MCM9: variants seen among roughly 807,000 people sequenced by gnomAD.
MCM9 encodes DNA helicase MCM9.
A neutral mutation model predicts 72.8 loss-of-function variants in MCM9; 55 were observed. That is an observed-to-expected ratio of 0.76 (90% confidence interval 0.61 to 0.95). The LOEUF is 0.95. MCM9 is among the 40% of genes least tolerant of loss of function. The probability of loss-of-function intolerance (pLI) is 0.00; values close to 1 mark genes in which losing one functional copy is unlikely to be tolerated. For missense variants in MCM9, 1,279 were observed against 1,377.0 expected (o/e 0.93, Z 1.13); for synonymous variants, 480 against 503.4 (o/e 0.95, Z 0.62).
chr6:118,902,580 T>C (rs544782865), intron 8 of MCM9, among the ~76,000 whole-genome samples: 6 of 151,350 alleles, frequency 4.0e-5, no homozygotes, highest in African/African-American at 1.5e-4. Flanking sequence ...AAATGCCTTG[T>C]TATTGAAACA....
intron 3 of MCM9, among the ~76,000 whole-genome samples, chr6:118,927,889 AC>A (rs1290259306): frequency 6.6e-6 from 1 of 152,348 alleles, no homozygotes; most frequent in East Asian, 1.9e-4. Flanking sequence ...CCTGAGCAAT[AC>A]ATAATGAAGG....
intron 8 of MCM9, among the ~76,000 whole-genome samples, chr6:118,858,054 C>G (rs921410246): frequency 1.3e-5 from 2 of 151,950 alleles, no homozygotes; most frequent in African/African-American, 4.8e-5. Context: ...CTAAACTAGG[C>G]AAAGACATAT....
intron 13 of MCM9, 30 bp downstream of exon 13, chr6:118,826,117 T>C (rs1774151934): frequency 2.6e-6 from 4 of 1,534,588 alleles, no homozygotes; most frequent in Admixed American, 2.1e-5. Flanking sequence ...GATTTTCCAT[T>C]GTATGCCTTT....
At chr6:118,870,812 G>C (rs889661303) in intron 8 of MCM9, among the ~76,000 whole-genome samples, 1 of 151,922 alleles carries the variant, frequency 6.6e-6, no homozygotes, top group Middle Eastern at 3.2e-3. Context: ...GATTATAAGA[G>C]ACTACTCTGA....
rs1271452196 is a variant in MCM9 at position 118,813,495 on chromosome 6, C to T, written c.*1329G>A. On this transcript the variant is annotated 3_prime_UTR_variant, in exon 14 of 14. Coordinates refer to ENST00000619706, the MANE Select transcript of MCM9 (RefSeq NM_017696.3). ...AAAATTTTATTAGTGAATTTTAGAACGTTTAAATGCTTAAGAAAAATTGGA... is the reference window on the plus strand; with the variant it reads ...AAAATTTTATTAGTGAATTTTAGAATGTTTAAATGCTTAAGAAAAATTGGA... The T allele has an allele frequency of 3.3e-5, 5 of 151,980 alleles. No homozygotes were observed. Among genetic ancestry groups the T allele is most frequent in the African/African-American group, 1.2e-4 (5 of 41,386 alleles). The allele number at this position is 151,980 out of a possible 1,614,324, so 9.4% of individuals were successfully genotyped here.
rs1230997932 is a variant in MCM9 at position 118,829,171 on chromosome 6, C to T, written c.1405G>A (p.Val469Met). The change falls in exon 10 of 14, where the codon GTG becomes ATG. Residue 469 changes from valine (V) to methionine (M), a missense_variant. Val to Met is a conservative substitution (Grantham distance 21). Transcript: ENST00000619706. ...CTGCCGAGGGCAATGTTCACAGACA[C>T]GGACTCCTGGGGGTCGTACTGGCCT... ...PKGQYDPQES[V>M]SVNIALGSPL... 4.5e-6 allele frequency: 7 copies of T among 1,550,610 alleles called. No homozygotes were observed. Among genetic ancestry groups the T allele is most frequent in the Middle Eastern group, 1.7e-4 (1 of 5,992 alleles).
At chr6:118,931,014 T>A (rs1304491270) in intron 3 of MCM9, among the ~76,000 whole-genome samples, 5 of 152,212 alleles carry the variant, frequency 3.3e-5, no homozygotes, top group Admixed American at 3.3e-4. Context: ...ACAATGCTAA[T>A]ACTGATCTTT....
intron 9 of MCM9, among the ~76,000 whole-genome samples, chr6:118,850,547 C>G (rs1192465322): frequency 1.3e-5 from 2 of 151,854 alleles, no homozygotes; most frequent in Non-Finnish European, 2.9e-5. Context: ...TTCTAGGTCT[C>G]TCCGACCCCA....
At chr6:118,818,506 G>T (rs1773557743) in intron 13 of MCM9, among the ~76,000 whole-genome samples, 1 of 152,178 alleles carries the variant, frequency 6.6e-6, no homozygotes, top group Admixed American at 6.5e-5. Flanking sequence ...TTTGGTACCA[G>T]CACCATGCTG....
At chr6:118,894,622 T>C (rs775613904) in intron 8 of MCM9, 247 of 1,053,962 alleles carry the variant, frequency 2.3e-4, no homozygotes, top group Non-Finnish European at 3.2e-4. Flanking sequence ...GTTCGGCGCC[T>C]GGCGGCCGCG....
intron 11 of MCM9, 104 bp downstream of exon 11, chr6:118,827,823 G>A: frequency 9.3e-7 from 1 of 1,079,660 alleles, no homozygotes; most frequent in Non-Finnish European, 1.3e-6. Context: ...GAGCACCTTA[G>A]AGTGGGAGTT....
At chr6:118,913,238 A>G in intron 7 of MCM9, 57 bp downstream of exon 7, 2 of 1,580,330 alleles carry the variant, frequency 1.3e-6, no homozygotes, top group Admixed American at 1.9e-5. Flanking sequence ...GGAAAGAAAA[A>G]GTTCTAGCTT....
At chr6:118,894,341 C>A in intron 8 of MCM9, 3 of 1,531,040 alleles carry the variant, frequency 2.0e-6, no homozygotes, top group Non-Finnish European at 2.6e-6. Flanking sequence ...TGCGCTCTCC[C>A]GAGCGGCCGC....
chr6:118,894,677 C>T (rs1237521618), intron 8 of MCM9, among the ~76,000 whole-genome samples: 4 of 152,190 alleles, frequency 2.6e-5, no homozygotes, highest in African/African-American at 9.7e-5. Flanking sequence ...ACGACGGCCG[C>T]CGAGGCGCGC....
chr6:118,933,556 G>C (rs969252440), intron 1 of MCM9, among the ~76,000 whole-genome samples: 1 of 151,812 alleles, frequency 6.6e-6, no homozygotes, highest in African/African-American at 2.4e-5. Flanking sequence ...AGAGATTGAG[G>C]ACTGGAGAAG....
intron 8 of MCM9, among the ~76,000 whole-genome samples, chr6:118,886,892 A>G (rs1022977607): frequency 1.3e-5 from 2 of 152,176 alleles, no homozygotes; most frequent in Non-Finnish European, 1.5e-5. Flanking sequence ...CTGAGCCCAG[A>G]AGTTCAAGGC....
At chr6:118,855,266 TTAAAG>T (rs1230909124) in intron 9 of MCM9, among the ~76,000 whole-genome samples, 3 of 152,186 alleles carry the variant, frequency 2.0e-5, no homozygotes, top group African/African-American at 7.2e-5. Context: ...GAAGCAATAA[TTAAAG>T]TATATTTTCT....
At chr6:118,861,555 G>A (rs901981265) in intron 8 of MCM9, among the ~76,000 whole-genome samples, 1 of 152,220 alleles carries the variant, frequency 6.6e-6, no homozygotes, top group Admixed American at 6.5e-5. Context: ...CAGGAGACCC[G>A]AAGTGGGTAG....
Position 118,859,169 on chromosome 6 carries a change from T to C in MCM9, c.1151-2624A>G, listed in dbSNP as rs141941870. On this transcript the variant is annotated intron_variant, in intron 8 of 13. Transcript: ENST00000619706. ...AGGCAATTCAATGGAGAAAAGATAA[T>C]CTGTTCAACAAATGGTGCTGGAGTA... Among the ~76,000 whole-genome samples the C allele has an allele frequency of 5.3e-3, 806 of 152,266 alleles. 8 individuals carry two copies. The highest frequency in any genetic ancestry group is 0.019 in the African/African-American group (780 of 41,546).
Sources: allele counts gnomAD v4.1 joint callset (sites outside exome capture counted in the v4.1 genomes callset), GRCh38; gene constraint gnomAD v4.1.1; transcripts MANE v1.5; gene names NCBI Gene and HGNC (gene_info 2026-07-23, HGNC 2026-07-21).